CSTPP1: variants seen among roughly 807,000 people sequenced by gnomAD.
The protein encoded by CSTPP1 is centriolar satellite-associated tubulin polyglutamylase complex regulator 1, also known as UPF0705 protein C11orf49.
the CSTPP1 span, among the ~76,000 whole-genome samples, chr11:47,073,623 A>C: frequency 6.6e-6 from 1 of 152,280 alleles, no homozygotes; most frequent in Admixed American, 6.5e-5. Context: ...GGAGAGAAGA[A>C]GGCATTTTAG....
At chr11:46,953,941 ATCT>A in the CSTPP1 span, among the ~76,000 whole-genome samples, 1 of 152,216 alleles carries the variant, frequency 6.6e-6, no homozygotes, top group Non-Finnish European at 1.5e-5. Flanking sequence ...AATCAAGATT[ATCT>A]TCTTAGAGTT....
chr11:47,130,428 T>C, the CSTPP1 span, among the ~76,000 whole-genome samples: 1 of 152,178 alleles, frequency 6.6e-6, no homozygotes, highest in Non-Finnish European at 1.5e-5. Flanking sequence ...TGTAAGGTCA[T>C]TTCCCATTCA....
the CSTPP1 span, among the ~76,000 whole-genome samples, chr11:47,104,766 C>T: frequency 5.3e-5 from 8 of 152,192 alleles, no homozygotes; most frequent in Admixed American, 4.6e-4. Context: ...GCCCCAGTTA[C>T]AGGGCAGGAA....
chr11:47,065,069 G>T, the CSTPP1 span, among the ~76,000 whole-genome samples: 1 of 152,160 alleles, frequency 6.6e-6, no homozygotes, highest in Non-Finnish European at 1.5e-5. Context: ...ATCAAGAAAT[G>T]TGAGTCATCC....
the CSTPP1 span, among the ~76,000 whole-genome samples, chr11:46,954,088 G>A: frequency 6.6e-6 from 1 of 152,126 alleles, no homozygotes; most frequent in African/African-American, 2.4e-5. Context: ...AAGTAAGGCT[G>A]CATAAATCAT....
At chr11:47,068,498 C>CTCCA in the CSTPP1 span, among the ~76,000 whole-genome samples, 1 of 152,060 alleles carries the variant, frequency 6.6e-6, no homozygotes, top group African/African-American at 2.4e-5. Flanking sequence ...TGCCACTGCA[C>CTCCA]TCCAATATGG....
At chr11:47,078,883 G>A in the CSTPP1 span, among the ~76,000 whole-genome samples, 4 of 152,146 alleles carry the variant, frequency 2.6e-5, no homozygotes, top group Admixed American at 2.6e-4. Context: ...CAGTAGCCAC[G>A]AGTGTCCAGT....
chr11:47,038,305 C>T, the CSTPP1 span, among the ~76,000 whole-genome samples: 171 of 81,000 alleles, frequency 2.1e-3, 1 homozygote, highest in Non-Finnish European at 2.7e-3. Flanking sequence ...CCCTCCCGGA[C>T]GGGGCGGCTG....
At chr11:46,963,800 A>T in the CSTPP1 span, among the ~76,000 whole-genome samples, 1 of 151,160 alleles carries the variant, frequency 6.6e-6, no homozygotes, top group Admixed American at 6.6e-5. Context: ...AAAAAAAAAA[A>T]GATATTAGAA....
chr11:47,036,833 A>C, the CSTPP1 span, among the ~76,000 whole-genome samples: 4 of 126,254 alleles, frequency 3.2e-5, 1 homozygote, highest in Admixed American at 3.4e-4. Context: ...GAGTGCCACC[A>C]CGCCCAGCTA....
chr11:47,087,736 T>A, the CSTPP1 span, among the ~76,000 whole-genome samples: 1 of 152,102 alleles, frequency 6.6e-6, no homozygotes, highest in African/African-American at 2.4e-5. Context: ...TGTGTGTGTG[T>A]GAATTAGTTA....
chr11:47,153,126 A>C, the CSTPP1 span, among the ~76,000 whole-genome samples: 6 of 152,000 alleles, frequency 3.9e-5, no homozygotes, highest in Non-Finnish European at 8.8e-5. Flanking sequence ...CTGCTCCCTC[A>C]ATCCAGATGT....
the CSTPP1 span, among the ~76,000 whole-genome samples, chr11:47,093,438 C>G: frequency 6.6e-6 from 1 of 152,150 alleles, no homozygotes; most frequent in African/African-American, 2.4e-5. Context: ...TTATTGAGTA[C>G]CTTGTGTGCC....
chr11:47,015,884 GA>G, the CSTPP1 span, among the ~76,000 whole-genome samples: 32 of 149,330 alleles, frequency 2.1e-4, no homozygotes, highest in African/African-American at 7.1e-4. Context: ...CATATAAAAA[GA>G]AAAAAAAAGA....
At chr11:47,054,442 G>A in the CSTPP1 span, among the ~76,000 whole-genome samples, 1 of 151,618 alleles carries the variant, frequency 6.6e-6, no homozygotes, top group African/African-American at 2.4e-5. Flanking sequence ...CTCCCAACTA[G>A]CTAGGACTAC....
At chr11:47,157,093 G>T in the CSTPP1 span, 4 of 1,614,184 alleles carry the variant, frequency 2.5e-6, no homozygotes, top group Non-Finnish European at 3.4e-6. Context: ...CAGTGATTGT[G>T]CCGACGTCGT....
the CSTPP1 span, among the ~76,000 whole-genome samples, chr11:47,051,079 TTTTCCTG>T: frequency 6.6e-6 from 1 of 152,196 alleles, no homozygotes; most frequent in African/African-American, 2.4e-5. Flanking sequence ...TCCTGAAATT[TTTTCCTG>T]TTCCATTCAG....
chr11:47,011,197 TC>T, the CSTPP1 span, among the ~76,000 whole-genome samples: 2 of 152,150 alleles, frequency 1.3e-5, no homozygotes, highest in African/African-American at 4.8e-5. Context: ...AAACTTTTTA[TC>T]AAAAAAAACT....
At chr11:46,990,722 A>T in the CSTPP1 span, among the ~76,000 whole-genome samples, 1 of 152,194 alleles carries the variant, frequency 6.6e-6, no homozygotes, top group East Asian at 1.9e-4. Flanking sequence ...GTTGAGAAGG[A>T]TATTTCCTAG....
Sources: gnomAD v4.1 joint callset for allele counts (sites outside exome capture counted in the v4.1 genomes callset) on GRCh38, gnomAD v4.1.1 for gene constraint, MANE v1.5 for transcripts, NCBI Gene and HGNC (gene_info 2026-07-23, HGNC 2026-07-21) for gene names.